The following TPGS2 variants were observed in gnomAD, a reference collection of about 807,000 sequenced individuals.
The protein encoded by TPGS2 is polyglutamylase subunit 2.
Under a neutral mutation model 31.1 loss-of-function variants are expected in TPGS2, and 26 were observed. The ratio of observed to expected loss-of-function variants is 0.84; its 90% CI spans 0.61 to 1.16. TPGS2 has a LOEUF of 1.16. Among genes scored for constraint, TPGS2 ranks in the 50% most tolerant of loss-of-function variants. The probability of loss-of-function intolerance (pLI) is 0.00; values close to 1 mark genes in which losing one functional copy is unlikely to be tolerated. For missense variants in TPGS2, 351 were observed against 363.8 expected, an observed-to-expected ratio of 0.96 and a Z score of 0.29; for synonymous variants, 130 against 136.6, an observed-to-expected ratio of 0.95 and a Z score of 0.34.
intron 4 of TPGS2, among the ~76,000 whole-genome samples, chr18:36,801,867 T>G (rs1430852736): frequency 6.6e-6 from 1 of 152,256 alleles, no homozygotes; most frequent in Non-Finnish European, 1.5e-5. Flanking sequence ...TTCCCATGAT[T>G]GGTAAACTTT....
intron 2 of TPGS2, among the ~76,000 whole-genome samples, chr18:36,815,667 G>GA (rs1291698504): frequency 6.6e-6 from 1 of 151,376 alleles, no homozygotes; most frequent in African/African-American, 2.4e-5. Flanking sequence ...AGCATAATCA[G>GA]AAAAAAAGTG....
chr18:36,792,342 T>C (rs191756831), downstream of TPGS2, among the ~76,000 whole-genome samples: 95 of 152,302 alleles, frequency 6.2e-4, 1 homozygote, highest in Admixed American at 1.8e-3. Flanking sequence ...GAGTTGACAA[T>C]TGATGAACCT....
chr18:36,794,434 T>G lies in TPGS2; in HGVS notation c.*2371A>C, dbSNP rs2044427891. 1 of 985,340 alleles carries G rather than the reference T, an allele frequency of 1.0e-6. No homozygotes were observed. Among genetic ancestry groups the G allele is most frequent in the Non-Finnish European group, 1.2e-6 (1 of 829,950 alleles). The allele number at this position is 985,340 out of a possible 1,614,324, so 61.0% of individuals were successfully genotyped here. A position where few individuals can be genotyped will look rare whatever the true frequency, so the allele number is the denominator to read the frequency against. The stretch of plus-strand genomic sequence containing the variant: ...ACAGATTTGAGTGACACCGCTGACC[T>G]CCTGGTTCCTCCGCTGCTTCACTTG... On this transcript the variant is annotated 3_prime_UTR_variant, in exon 7 of 7. Transcript: ENST00000334295.
downstream of TPGS2, among the ~76,000 whole-genome samples, chr18:36,790,805 G>A (rs2044284603): frequency 6.6e-6 from 1 of 152,160 alleles, no homozygotes; most frequent in South Asian, 2.1e-4. Flanking sequence ...CTATCCTGAA[G>A]TATGAAGCAG....
At chr18:36,813,819 T>C (rs1054156349) in intron 2 of TPGS2, among the ~76,000 whole-genome samples, 2 of 152,152 alleles carry the variant, frequency 1.3e-5, no homozygotes, top group Admixed American at 6.5e-5. Context: ...AGAAGTGAAG[T>C]GCTAGAGAGA....
At chr18:36,828,292 A>C (rs1190463543) in intron 1 of TPGS2, among the ~76,000 whole-genome samples, 3 of 152,150 alleles carry the variant, frequency 2.0e-5, no homozygotes, top group Admixed American at 2.0e-4. Flanking sequence ...GGTCGGGTGC[A>C]TTACTTCCCC....
intron 5 of TPGS2, among the ~76,000 whole-genome samples, chr18:36,799,176 T>C (rs2044681478): frequency 6.6e-6 from 1 of 152,210 alleles, no homozygotes; most frequent in African/African-American, 2.4e-5. Context: ...CTCTGCTGTC[T>C]AGATAGCTAT....
intron 5 of TPGS2, 69 bp from the exon 6 acceptor site, chr18:36,798,678 A>C (rs1363714029): frequency 6.5e-7 from 1 of 1,548,466 alleles, no homozygotes; most frequent in Non-Finnish European, 8.7e-7. Flanking sequence ...TAACTGTAAA[A>C]GGTTATACTC....
At chr18:36,781,940 A>T (rs775450951), downstream of TPGS2, 1 of 984,886 alleles carries the variant, frequency 1.0e-6, no homozygotes, top group East Asian at 1.1e-4. Flanking sequence ...AAAAGAATAC[A>T]TAGGGTATTA....
At position 36,794,365 on chromosome 18, in the gene TPGS2, C is replaced by A. The variant is rs965584874; in HGVS notation, c.*2440G>T. The A allele has an allele frequency of 4.2e-5, 41 of 985,526 alleles. No homozygotes were observed. The highest frequency in any genetic ancestry group is 4.9e-5 in the Non-Finnish European group (41 of 829,996). 61.0% of individuals were successfully genotyped at this position (985,526 alleles called of 1,614,324 possible). On this transcript the variant is annotated 3_prime_UTR_variant, in exon 7 of 7. Coordinates refer to ENST00000334295, the MANE Select transcript of TPGS2 (RefSeq NM_015476.4). ...GGTCTTGAGCCTTTCCTTATCATAA[C>A]CCCCTTCCTTTGATAGCCTTTTGAG...
At chr18:36,789,184 A>G (rs1306029358), downstream of TPGS2, 1 of 152,212 alleles carries the variant, frequency 6.6e-6, no homozygotes. Flanking sequence ...AAAGTAGAAA[A>G]GGATGTTGTG....
downstream of TPGS2, among the ~76,000 whole-genome samples, chr18:36,791,429 C>T (rs2044305757): frequency 6.6e-6 from 1 of 152,102 alleles, no homozygotes; most frequent in Non-Finnish European, 1.5e-5. Flanking sequence ...GCTAGGGCTT[C>T]CCAGAACCCT....
chr18:36,780,283 CTGT>C (rs1567984475), downstream of TPGS2: 4 of 961,994 alleles, frequency 4.2e-6, no homozygotes, highest in Non-Finnish European at 5.4e-6. Flanking sequence ...GACGTGTTAG[CTGT>C]TGTTAACCTA....
At chr18:36,805,681 A>G (rs1232677306) in intron 3 of TPGS2, among the ~76,000 whole-genome samples, 179 bp from the exon 4 acceptor site, 2 of 152,196 alleles carry the variant, frequency 1.3e-5, no homozygotes, top group Non-Finnish European at 2.9e-5. Flanking sequence ...CCAACCTTTC[A>G]TACAAAAAAA....
At chr18:36,803,539 T>C (rs2044945073) in intron 4 of TPGS2, among the ~76,000 whole-genome samples, 1 of 152,234 alleles carries the variant, frequency 6.6e-6, no homozygotes, top group Non-Finnish European at 1.5e-5. Flanking sequence ...GTGTCTTTTA[T>C]TAGTATGTAT....
At chr18:36,786,773 G>T (rs1205894785) in intron 6 of TPGS2, 1 of 1,228,958 alleles carries the variant, frequency 8.1e-7, no homozygotes, top group African/African-American at 1.6e-5. Flanking sequence ...GAGTCCCCTT[G>T]GCCAGCAGAG....
chr18:36,828,228 T>C lies in TPGS2; in HGVS notation c.85+455A>G, dbSNP rs1327181993. 2.6e-5 allele frequency among the ~76,000 whole-genome samples: 4 copies of C among 152,260 alleles called. No homozygotes were observed. In the East Asian group the frequency reaches 7.7e-4, roughly 29 times the overall value. Reference sequence around the variant, plus strand: ...CGATAAAAGAAAAACTCTGAGTCATTCAGTGGTGCAAGGTTGGATTCCTTT... The same window carrying C: ...CGATAAAAGAAAAACTCTGAGTCATCCAGTGGTGCAAGGTTGGATTCCTTT... On this transcript the variant is annotated intron_variant, in intron 1 of 6. Transcript: ENST00000334295.
chr18:36,813,603 T>C (rs1476561017), intron 2 of TPGS2, among the ~76,000 whole-genome samples: 1 of 152,236 alleles, frequency 6.6e-6, no homozygotes, highest in African/African-American at 2.4e-5. Flanking sequence ...AAATGAGTAG[T>C]TGTGACAGAG....
rs978583659 is a variant in TPGS2, at chr18:36,783,067, G to A, written c.722C>T (p.Thr241Ile). Residue 241 changes from threonine to isoleucine, a missense_variant, in exon 7 of 7, where the codon ACA becomes ATA. Coordinates refer to the TPGS2 transcript ENST00000587129. ...CTAGAACCTTCTGCTCCGGATTCCT[G>A]TTCTTCCTCTTGGATTATTTAAATC... is the stretch of plus-strand genomic sequence containing the variant. 14 of 398,326 alleles carry A rather than the reference G, an allele frequency of 3.5e-5. No homozygotes were observed. In the East Asian group the frequency reaches 5.0e-4, roughly 14 times the overall value. 24.7% of individuals were successfully genotyped at this position (398,326 alleles called of 1,614,324 possible).
Sources: gnomAD v4.1 joint callset for allele counts (sites outside exome capture counted in the v4.1 genomes callset) on GRCh38, gnomAD v4.1.1 for gene constraint, MANE v1.5 for transcripts, NCBI Gene and HGNC (gene_info 2026-07-23, HGNC 2026-07-21) for gene names.